The following CD300LG variants were observed in gnomAD, a reference collection of about 807,000 sequenced individuals.
CD300LG encodes CMRF35-like molecule 9.
A neutral mutation model predicts 31.5 loss-of-function variants in CD300LG; 29 were observed. The observed-to-expected ratio is 0.92, with a 90% CI of 0.68 to 1.25. The LOEUF is 1.25. CD300LG is among the 50% of genes most tolerant of loss of function. The pLI is 0.00. For missense variants in CD300LG, 396 were observed against 417.6 expected (o/e 0.95, Z 0.45); for synonymous variants, 175 against 177.2 (o/e 0.99, Z 0.10).
intron 5 of CD300LG, chr17:43,855,547 T>C (rs2046495155): frequency 2.3e-6 from 1 of 431,926 alleles, no homozygotes; most frequent in Non-Finnish European, 4.1e-6. Flanking sequence ...TCTCAGCTTC[T>C]TCCTGCCTGT....
intron 3 of CD300LG, 105 bp downstream of exon 3, chr17:43,853,118 G>C: frequency 1.1e-6 from 1 of 924,508 alleles, no homozygotes; most frequent in South Asian, 1.7e-5. Context: ...CCACCTAGGT[G>C]TCCCCACAAG....
chr17:43,861,474 C>G (rs959710415), intron 6 of CD300LG, among the ~76,000 whole-genome samples: 1 of 152,138 alleles, frequency 6.6e-6, no homozygotes, highest in Non-Finnish European at 1.5e-5. Flanking sequence ...TTTTTCCGGT[C>G]CAGAAAATTC....
chr17:43,855,762 T>G (rs1029402950), intron 5 of CD300LG: 9 of 153,492 alleles, frequency 5.9e-5, no homozygotes, highest in African/African-American at 2.2e-4. Context: ...GCTCTGCCAC[T>G]TTTTAGCTGT....
chr17:43,848,237 A>G (rs2046241619), intron 1 of CD300LG, among the ~76,000 whole-genome samples: 1 of 151,648 alleles, frequency 6.6e-6, no homozygotes, highest in South Asian at 2.1e-4. Flanking sequence ...GTGAGACTCC[A>G]TCTCAAAAAC....
chr17:43,856,964 T>G (rs1433125362), intron 5 of CD300LG, 140 bp from the exon 6 acceptor site: 1 of 746,630 alleles, frequency 1.3e-6, no homozygotes, highest in African/African-American at 1.7e-5. Context: ...GGGGCTCCTC[T>G]GCCCATCTGG....
In CD300LG at chr17:43,853,883, G is replaced by T. The variant is rs1430150908; in HGVS notation, c.558G>T (p.Gly186=). The T allele has an allele frequency of 1.2e-5, 19 of 1,614,130 alleles. No individual in the cohort carries two copies. Among genetic ancestry groups the T allele is most frequent in the Non-Finnish European group, 1.6e-5 (19 of 1,180,012 alleles). Residue 186 remains glycine (G), a synonymous_variant, in exon 4 of 7, where the codon GGG becomes GGT. Coordinates refer to ENST00000317310, the MANE Select transcript of CD300LG (RefSeq NM_145273.4). The part of the protein sequence containing the change: ...KTGAEAPPLP[G]TSQYGHERTS... Reference sequence around the variant, plus strand: ...GGGCTGAGGCCCCTCCATTGCCAGGGACTTCCCAGTACGGGCACGAAAGGA... The same window carrying T: ...GGGCTGAGGCCCCTCCATTGCCAGGTACTTCCCAGTACGGGCACGAAAGGA...
At chr17:43,852,872 G>A (rs1170298095) in intron 2 of CD300LG, 40 bp from the exon 3 acceptor site, 2 of 1,509,566 alleles carry the variant, frequency 1.3e-6, no homozygotes, top group East Asian at 2.3e-5. Context: ...GGGGTTCAGA[G>A]CGGTGCCACC....
rs148893599 is a variant in CD300LG, at chr17:43,861,892, C to T, written c.980C>T (p.Ser327Leu). 9.9e-6 allele frequency: 16 copies of T among 1,610,774 alleles called. No individual in the cohort carries two copies. In the South Asian group the frequency reaches 1.1e-4, roughly 11 times the overall value. ...LHTSEEELGFSKFVSA is the reference protein window; with the variant it reads ...LHTSEEELGFLKFVSA ...ACATCTGAGGAGGAGCTGGGCTTCT[C>T]GAAGTTTGTCTCAGCGTAGGGCAGG... is the stretch of plus-strand genomic sequence containing the variant. The change falls in exon 7 of 7, where the codon TCG (serine) becomes TTG (leucine). Residue 327 changes from serine (S) to leucine (L), a missense_variant. Coordinates refer to ENST00000317310, the MANE Select transcript of CD300LG (RefSeq NM_145273.4).
At chr17:43,848,984 A>T (rs2046270425) in intron 2 of CD300LG, 91 bp downstream of exon 2, 1 of 1,137,294 alleles carries the variant, frequency 8.8e-7, no homozygotes. Context: ...TACCAACATT[A>T]TGGGCACTGA....
chr17:43,849,255 G>T, intron 2 of CD300LG: 1 of 405,008 alleles, frequency 2.5e-6, no homozygotes, highest in South Asian at 7.8e-5. Flanking sequence ...CCTGGTGTCA[G>T]AGATATTCCT....
intron 2 of CD300LG, among the ~76,000 whole-genome samples, chr17:43,850,229 G>A (rs1171598121): frequency 1.3e-5 from 2 of 152,164 alleles, no homozygotes; most frequent in Non-Finnish European, 2.9e-5. Flanking sequence ...AATTTCTGTG[G>A]TGTCCATTTC....
rs555558095 is a variant in CD300LG, at chr17:43,858,009, C to T, written c.885+853C>T. Reference sequence around the variant, plus strand: ...ACTCCAACGGAGGGGGCTGCAGCATCGCACTTCAGGCAACAGAAGCCCCTC... The same window carrying T: ...ACTCCAACGGAGGGGGCTGCAGCATTGCACTTCAGGCAACAGAAGCCCCTC... On this transcript the variant is annotated intron_variant, in intron 6 of 6. Transcript: ENST00000317310. The T allele has an allele frequency of 8.1e-5, 119 of 1,466,574 alleles. 1 individual carries two copies. The highest frequency in any genetic ancestry group is 9.5e-5 in the Non-Finnish European group (106 of 1,115,422). 90.8% of individuals were successfully genotyped at this position (1,466,574 alleles called of 1,614,324 possible).
intron 4 of CD300LG, among the ~76,000 whole-genome samples, chr17:43,854,669 C>T (rs2046460415): frequency 6.6e-6 from 1 of 152,110 alleles, no homozygotes; most frequent in African/African-American, 2.4e-5. Flanking sequence ...GCCAGTGACA[C>T]CAGCCCAGAT....
At chr17:43,860,962 C>CAGGA (rs1191783008) in intron 6 of CD300LG, among the ~76,000 whole-genome samples, 1 of 152,114 alleles carries the variant, frequency 6.6e-6, no homozygotes, top group Non-Finnish European at 1.5e-5. Context: ...TTGGACAAGA[C>CAGGA]AGGAAGGAAG....
At chr17:43,857,652 C>T in intron 6 of CD300LG, 1 of 1,178,372 alleles carries the variant, frequency 8.5e-7, no homozygotes. Context: ...GGCAGTGCTA[C>T]AAACTCTAGT....
At chr17:43,854,066 T>A (rs1271790219) in intron 4 of CD300LG, 22 bp downstream of exon 4, 1 of 1,569,452 alleles carries the variant, frequency 6.4e-7, no homozygotes. Context: ...GTGACCAACA[T>A]CCCCTTTCAA....
rs1314940781 is a variant in CD300LG at position 43,853,855 on chromosome 17, CAG to C, written c.531_532del (p.Ala179Ter). ...GCCACCACAGCCAAGCAGGGGAAGACAGGGGCTGAGGCCCCTCCATTGCCAGG... is the reference window on the plus strand; with the variant it reads ...GCCACCACAGCCAAGCAGGGGAAGACGGGCTGAGGCCCCTCCATTGCCAGG... On this transcript the variant is annotated frameshift_variant, in exon 4 of 7. Transcript: ENST00000317310. LOFTEE classifies it high-confidence loss of function. 6.2e-6 allele frequency: 10 copies of C among 1,614,118 alleles called. No homozygotes were observed. Among genetic ancestry groups the C allele is most frequent in the East Asian group, 4.5e-5 (2 of 44,868 alleles).
Position 43,862,119 on chromosome 17 carries a change from C to T in CD300LG, c.*208C>T. On this transcript the variant is annotated 3_prime_UTR_variant, in exon 7 of 7. Coordinates refer to ENST00000317310, the MANE Select transcript of CD300LG (RefSeq NM_145273.4). ...TGGAGCCCAGAGCGGTGGCCTTGCT[C>T]TTCCGGCTGGAGACTGGGACATCCC... 1 of 436,060 alleles carries T rather than the reference C, an allele frequency of 2.3e-6. No individual in the cohort carries two copies. Among genetic ancestry groups the T allele is most frequent in the Non-Finnish European group, 4.1e-6 (1 of 244,814 alleles). The allele number at this position is 436,060 out of a possible 1,614,324, so 27.0% of individuals were successfully genotyped here. A position where few individuals can be genotyped will look rare whatever the true frequency, so the allele number is the denominator to read the frequency against.
intron 6 of CD300LG, 181 bp downstream of exon 6, chr17:43,857,337 C>A: frequency 6.7e-7 from 1 of 1,493,060 alleles, no homozygotes; most frequent in Non-Finnish European, 9.0e-7. Context: ...AGGGTGTGAG[C>A]CGGACACAGT....
Sources: gnomAD v4.1 joint callset for allele counts (sites outside exome capture counted in the v4.1 genomes callset) on GRCh38, gnomAD v4.1.1 for gene constraint, MANE v1.5 for transcripts, NCBI Gene and HGNC (gene_info 2026-07-23, HGNC 2026-07-21) for gene names.